Variants in KIRREL3 observed in about 807,000 individuals in gnomAD.
KIRREL3 encodes kirre like nephrin family adhesion molecule 3, also known as kin of IRRE-like protein 3.
In KIRREL3, 36 loss-of-function variants were observed where a neutral mutation model predicts 89.7. The ratio of observed to expected loss-of-function variants is 0.40; its 90% confidence interval spans 0.31 to 0.53. KIRREL3 has a LOEUF of 0.53. Among genes scored for constraint, KIRREL3 ranks in the 20% least tolerant of loss-of-function variants. KIRREL3 has a pLI of 0.49. For missense variants in KIRREL3, 864 were observed against 1,056.6 expected, an observed-to-expected ratio of 0.82 and a Z score of 2.53; for synonymous variants, 445 against 441.4, an observed-to-expected ratio of 1.01 and a Z score of -0.10.
At chr11:126,928,161 A>G (rs1441956688) in intron 1 of KIRREL3, among the ~76,000 whole-genome samples, 1 of 152,162 alleles carries the variant, frequency 6.6e-6, no homozygotes, top group Non-Finnish European at 1.5e-5. Flanking sequence ...AGAGAGATTC[A>G]CTCTGCATAG....
intron 1 of KIRREL3, among the ~76,000 whole-genome samples, chr11:126,846,594 CA>C (rs1413176828): frequency 6.6e-6 from 1 of 152,112 alleles, no homozygotes; most frequent in Non-Finnish European, 1.5e-5. Context: ...TTACTTACCA[CA>C]GTTTTCACCA....
intron 2 of KIRREL3, among the ~76,000 whole-genome samples, chr11:126,546,664 A>G (rs1356943221): frequency 6.6e-6 from 1 of 152,230 alleles, no homozygotes; most frequent in Non-Finnish European, 1.5e-5. Context: ...ATTTTTATTT[A>G]TCTCACTAGC....
rs532281594 is a variant in KIRREL3, at chr11:126,977,214, G to A, written c.55+23241C>T. 2.0e-5 allele frequency among the ~76,000 whole-genome samples: 3 copies of A among 152,114 alleles called. No individual in the cohort carries two copies. The highest frequency in any genetic ancestry group is 2.1e-4 in the South Asian group (1 of 4,816). On this transcript the variant is annotated intron_variant, in intron 1 of 16. Coordinates refer to ENST00000525144, the MANE Select transcript of KIRREL3 (RefSeq NM_032531.4). The surrounding 1 kb of genome is among the most constrained non-coding windows in gnomAD (Gnocchi z 4.7). ...GTCCTCTTCTTCTGCCAGGTGCCCC[G>A]CCTGCCATCTTTTGTACCTTTTTTT...
In KIRREL3 at chr11:126,684,482, G is replaced by T. The variant is rs1225196071; in HGVS notation, c.56-121570C>A. ...CACAAAGCCTCAGGGCTCTGAGGGT[G>T]TTAGGGAAACCACAGGTGTCCACAA... On this transcript the variant is annotated intron_variant, in intron 1 of 16. Transcript: ENST00000525144. This position sits in a 1 kb window ranked among gnomAD's most constrained non-coding sequence, Gnocchi z 4.2. Among the ~76,000 whole-genome samples, 1 of 152,182 alleles carries T rather than the reference G, an allele frequency of 6.6e-6. No homozygotes were observed. Among genetic ancestry groups the T allele is most frequent in the Non-Finnish European group, 1.5e-5 (1 of 68,030 alleles).
At chr11:126,803,480 AT>A (rs1383282715) in intron 1 of KIRREL3, among the ~76,000 whole-genome samples, 2 of 152,174 alleles carry the variant, frequency 1.3e-5, no homozygotes, top group Non-Finnish European at 2.9e-5. Context: ...TATTCTCTCA[AT>A]CATATATATG....
rs1958664320 is a variant in KIRREL3 at position 126,523,687 on chromosome 11, A to C, written c.284-2223T>G. 6.6e-6 allele frequency among the ~76,000 whole-genome samples: 1 copy of C among 152,040 alleles called. No homozygotes were observed. ...CCCCCAGGGCCAGGAGAGGGGCTGGAAATGGGTTCTAGCCCAATCCTCTCC... is the reference window on the plus strand; with the variant it reads ...CCCCCAGGGCCAGGAGAGGGGCTGGCAATGGGTTCTAGCCCAATCCTCTCC... On this transcript the variant is annotated intron_variant, in intron 3 of 16. Coordinates refer to ENST00000525144, the MANE Select transcript of KIRREL3 (RefSeq NM_032531.4). This position sits in a 1 kb window ranked among gnomAD's most constrained non-coding sequence, Gnocchi z 4.9.
intron 1 of KIRREL3, among the ~76,000 whole-genome samples, chr11:126,626,615 A>G (rs1379368131): frequency 6.6e-6 from 1 of 152,222 alleles, no homozygotes; most frequent in Non-Finnish European, 1.5e-5. Context: ...CAGCCAGTAT[A>G]AAAATATTTC....
At chr11:126,760,613 TG>T (rs1376513660) in intron 1 of KIRREL3, among the ~76,000 whole-genome samples, 1 of 152,116 alleles carries the variant, frequency 6.6e-6, no homozygotes, top group Non-Finnish European at 1.5e-5. Context: ...GAGCAGGACA[TG>T]GGTAAGTGGG....
intron 1 of KIRREL3, among the ~76,000 whole-genome samples, chr11:126,961,962 C>G (rs558617048): frequency 1.3e-5 from 2 of 152,342 alleles, no homozygotes; most frequent in South Asian, 4.1e-4. Context: ...GGTTAGTTTA[C>G]TGAATATTTT....
At position 126,516,165 on chromosome 11, in the gene KIRREL3, T is replaced by C. The variant is rs1364642211; in HGVS notation, c.433+5150A>G. On this transcript the variant is annotated intron_variant, in intron 4 of 16. Transcript: ENST00000525144. This position sits in a 1 kb window ranked among gnomAD's most constrained non-coding sequence, Gnocchi z 4.9. ...CTCTCTCAGTATTTGGGGCTTGACA[T>C]CATTTAAAAAGATGCCCTCTTTATT... 2.0e-5 allele frequency among the ~76,000 whole-genome samples: 3 copies of C among 152,348 alleles called. No homozygotes were observed. In the East Asian group the frequency reaches 5.8e-4, roughly 29 times the overall value.
At chr11:126,436,080 G>C (rs1433556110) in intron 12 of KIRREL3, among the ~76,000 whole-genome samples, 1 of 152,220 alleles carries the variant, frequency 6.6e-6, no homozygotes, top group Admixed American at 6.5e-5. Context: ...CTGAGCAGAC[G>C]CTGGAGATCT....
intron 1 of KIRREL3, among the ~76,000 whole-genome samples, chr11:126,984,268 A>T (rs1949794746): frequency 6.6e-6 from 1 of 152,226 alleles, no homozygotes; most frequent in Admixed American, 6.5e-5. Context: ...TGAGTCAAGG[A>T]GGAGAAAAAG....
intron 1 of KIRREL3, among the ~76,000 whole-genome samples, chr11:126,875,935 T>C (rs1837546182): frequency 6.6e-6 from 1 of 152,196 alleles, no homozygotes; most frequent in South Asian, 2.1e-4. Context: ...AACTTGTTCC[T>C]ATATCATGAG....
At chr11:126,438,948 C>T (rs1955460084) in intron 11 of KIRREL3, among the ~76,000 whole-genome samples, 2 of 152,212 alleles carry the variant, frequency 1.3e-5, no homozygotes, top group South Asian at 4.1e-4. Context: ...CCTGCCCACT[C>T]CACCCCTGGA....
rs144052461 is a variant in KIRREL3 at position 126,776,170 on chromosome 11, G to T, written c.56-213258C>A. 2.0e-3 allele frequency among the ~76,000 whole-genome samples: 306 copies of T among 152,302 alleles called. 1 individual carries two copies. Among genetic ancestry groups the T allele is most frequent in the Non-Finnish European group, 3.6e-3 (244 of 68,020 alleles). On this transcript the variant is annotated intron_variant, in intron 1 of 16. Transcript: ENST00000525144. The surrounding 1 kb of genome is among the most constrained non-coding windows in gnomAD (Gnocchi z 4.7). Reference sequence around the variant, plus strand: ...CCCTGACCTCTAGAAGCTGGTCCAGGCTGGTTGGCAGGTGGCTTCCCTCCT... The same window carrying T: ...CCCTGACCTCTAGAAGCTGGTCCAGTCTGGTTGGCAGGTGGCTTCCCTCCT...
At chr11:126,716,756 G>C (rs1029672391) in intron 1 of KIRREL3, among the ~76,000 whole-genome samples, 2 of 131,424 alleles carry the variant, frequency 1.5e-5, no homozygotes, top group African/African-American at 6.3e-5. Flanking sequence ...GTTGGGGGGG[G>C]GGGGAAGTGT....
chr11:126,435,442 A>G, intron 12 of KIRREL3, 139 bp from the exon 13 acceptor site: 1 of 805,004 alleles, frequency 1.2e-6, no homozygotes, highest in Middle Eastern at 2.3e-4. Context: ...CAACAGATCC[A>G]GGCTAGCCCA....
rs1565547436 is a variant in KIRREL3, at chr11:126,555,571, G to T, written c.133+7264C>A. ...GGGATGGGGTGAGCGTGGCAAGCAG[G>T]GTAGACACAGGGAGCAGGGTAGACA... On this transcript the variant is annotated intron_variant, in intron 2 of 16. Coordinates refer to ENST00000525144, the MANE Select transcript of KIRREL3 (RefSeq NM_032531.4). This position sits in a 1 kb window ranked among gnomAD's most constrained non-coding sequence, Gnocchi z 4.2. Among the ~76,000 whole-genome samples the T allele has an allele frequency of 6.6e-6, 1 of 151,986 alleles. No individual in the cohort carries two copies. Among genetic ancestry groups the T allele is most frequent in the Non-Finnish European group, 1.5e-5 (1 of 68,006 alleles).
intron 1 of KIRREL3, among the ~76,000 whole-genome samples, chr11:126,856,815 G>A (rs561899032): frequency 7.2e-5 from 11 of 151,830 alleles, no homozygotes; most frequent in Admixed American, 2.6e-4. Flanking sequence ...GGATGGTCTC[G>A]ATCTCCTGAC....
Sources: allele counts gnomAD v4.1 joint callset (sites outside exome capture counted in the v4.1 genomes callset), GRCh38; gene constraint gnomAD v4.1.1; non-coding constraint Gnocchi (gnomAD v3.1); transcripts MANE v1.5; gene names NCBI Gene and HGNC (gene_info 2026-07-23, HGNC 2026-07-21).